The following PRLR variants were observed in gnomAD, a reference collection of about 807,000 sequenced individuals.
The protein encoded by PRLR is prolactin receptor.
PRLR carries 13 observed loss-of-function variants against 40.2 expected under a neutral mutation model. The observed-to-expected ratio is 0.32, with a 90% CI of 0.21 to 0.51. The LOEUF (loss-of-function observed/expected upper bound fraction) is 0.51. Ranked by LOEUF, PRLR falls within the 20% of genes least tolerant of loss-of-function variation. The pLI, the probability that PRLR is intolerant of heterozygous loss-of-function variation, is 0.97. For synonymous variants in PRLR, 269 were observed against 278.7 expected (o/e 0.97, Z 0.35); for missense variants, 656 against 747.3 (o/e 0.88, Z 1.42).
chr5:35,093,937 C>T (rs995435233), intron 2 of PRLR, among the ~76,000 whole-genome samples: 9 of 152,240 alleles, frequency 5.9e-5, no homozygotes, highest in African/African-American at 2.2e-4. Context: ...GCTATGTCAT[C>T]TAGCCTAGGT....
At chr5:35,166,509 G>A (rs995099937) in intron 1 of PRLR, among the ~76,000 whole-genome samples, 3 of 152,072 alleles carry the variant, frequency 2.0e-5, no homozygotes, top group African/African-American at 7.2e-5. Flanking sequence ...AGATTTGGTA[G>A]TCCACAGAGT....
chr5:35,131,719 C>T (rs1773687135), intron 1 of PRLR, among the ~76,000 whole-genome samples: 1 of 152,070 alleles, frequency 6.6e-6, no homozygotes, highest in South Asian at 2.1e-4. Flanking sequence ...GGTGCATCTG[C>T]CACACAGGGT....
At chr5:35,156,080 A>G (rs1774490588) in intron 1 of PRLR, among the ~76,000 whole-genome samples, 1 of 151,782 alleles carries the variant, frequency 6.6e-6, no homozygotes, top group Admixed American at 6.6e-5. Flanking sequence ...GTTACCAAAG[A>G]ACAAAGTAAT....
intron 1 of PRLR, among the ~76,000 whole-genome samples, chr5:35,174,906 G>A (rs1274508868): frequency 6.6e-6 from 1 of 152,194 alleles, no homozygotes; most frequent in East Asian, 1.9e-4. Context: ...TGACAAGAGT[G>A]TAAGCTCAGA....
intron 1 of PRLR, among the ~76,000 whole-genome samples, chr5:35,174,895 T>C (rs774281451): frequency 2.0e-5 from 3 of 152,228 alleles, no homozygotes; most frequent in Non-Finnish European, 4.4e-5. Context: ...TGGCTCACAC[T>C]TGACAAGAGT....
intron 1 of PRLR, among the ~76,000 whole-genome samples, chr5:35,119,778 A>G (rs1036126621): frequency 6.6e-6 from 1 of 152,052 alleles, no homozygotes; most frequent in Non-Finnish European, 1.5e-5. Context: ...CTGTTTTTAC[A>G]CTCTTGGCAG....
At chr5:35,222,100 C>T (rs942648425) in intron 1 of PRLR, among the ~76,000 whole-genome samples, 4 of 152,222 alleles carry the variant, frequency 2.6e-5, no homozygotes, top group Admixed American at 6.5e-5. Flanking sequence ...GTCAAGAGAT[C>T]GAGACCATCC....
chr5:35,177,648 C>T (rs1306099899), intron 1 of PRLR, among the ~76,000 whole-genome samples: 1 of 152,168 alleles, frequency 6.6e-6, no homozygotes, highest in Admixed American at 6.5e-5. Context: ...GTACTTCACT[C>T]TTTTCTATGG....
chr5:35,099,562 A>T (rs1771734912), intron 2 of PRLR, among the ~76,000 whole-genome samples: 1 of 152,214 alleles, frequency 6.6e-6, no homozygotes, highest in Non-Finnish European at 1.5e-5. Context: ...TAACTGTAAA[A>T]TAGCCTCAGG....
At chr5:35,179,363 T>G (rs1447812076) in intron 1 of PRLR, among the ~76,000 whole-genome samples, 6 of 152,216 alleles carry the variant, frequency 3.9e-5, no homozygotes, top group Non-Finnish European at 5.9e-5. Flanking sequence ...TGTCAGTATT[T>G]ACTTTCTTTC....
At chr5:35,153,219 C>A (rs1471187109) in intron 1 of PRLR, among the ~76,000 whole-genome samples, 2 of 152,176 alleles carry the variant, frequency 1.3e-5, no homozygotes, top group Admixed American at 1.3e-4. Flanking sequence ...CAAAGCTAAA[C>A]AGATTAAATA....
chr5:35,129,660 C>T (rs1470893826), intron 1 of PRLR, among the ~76,000 whole-genome samples: 1 of 145,622 alleles, frequency 6.9e-6, no homozygotes, highest in African/African-American at 2.8e-5. Context: ...GTTTTAAGCA[C>T]TGTAATCAAT....
intron 1 of PRLR, among the ~76,000 whole-genome samples, chr5:35,213,619 A>G (rs1168127522): frequency 6.6e-6 from 1 of 152,206 alleles, no homozygotes; most frequent in Non-Finnish European, 1.5e-5. Context: ...TTAGAAGTAA[A>G]TAGACAGAAC....
intron 1 of PRLR, among the ~76,000 whole-genome samples, chr5:35,146,436 T>G (rs1774183681): frequency 6.6e-6 from 1 of 152,188 alleles, no homozygotes; most frequent in African/African-American, 2.4e-5. Context: ...CGTAAAGGCC[T>G]TTACATTTTT....
intron 1 of PRLR, among the ~76,000 whole-genome samples, chr5:35,156,367 C>A (rs1774507153): frequency 6.6e-6 from 1 of 152,044 alleles, no homozygotes; most frequent in Non-Finnish European, 1.5e-5. Flanking sequence ...TCTCTCCTTG[C>A]CCTTCAGTTT....
chr5:35,086,164 G>T (rs758359807), intron 4 of PRLR, 44 bp downstream of exon 4: 2 of 1,608,048 alleles, frequency 1.2e-6, no homozygotes, highest in Admixed American at 3.4e-5. Flanking sequence ...TGGAGAATGG[G>T]AGTACTCATG....
chr5:35,144,918 A>G (rs1417820273), intron 1 of PRLR, among the ~76,000 whole-genome samples: 1 of 152,212 alleles, frequency 6.6e-6, no homozygotes, highest in East Asian at 1.9e-4. Flanking sequence ...TAGAAAAGAC[A>G]GCCAGAGTTC....
rs1489543792 is a variant in PRLR at position 35,056,493 on chromosome 5, C to T, written c.*8596G>A. 1 of 152,060 alleles carries T rather than the reference C, an allele frequency of 6.6e-6. No individual in the cohort carries two copies. The highest frequency in any genetic ancestry group is 1.9e-4 in the East Asian group (1 of 5,202). 9.4% of individuals were successfully genotyped at this position (152,060 alleles called of 1,614,324 possible). A position where few individuals can be genotyped will look rare whatever the true frequency, so the allele number is the denominator to read the frequency against. Reference sequence around the variant, plus strand: ...TAAATGGAAGTTGCATCTTCCAGCCCCAAAGAAACTGGGGAGATTTAGAAT... The same window carrying T: ...TAAATGGAAGTTGCATCTTCCAGCCTCAAAGAAACTGGGGAGATTTAGAAT... On this transcript the variant is annotated 3_prime_UTR_variant, in exon 10 of 10. Coordinates refer to ENST00000618457, the MANE Select transcript of PRLR (RefSeq NM_000949.7).
chr5:35,121,385 C>T (rs959176788), intron 1 of PRLR, among the ~76,000 whole-genome samples: 41 of 152,290 alleles, frequency 2.7e-4, no homozygotes, highest in African/African-American at 9.6e-4. Context: ...GTGTCATATC[C>T]ATCCTTGCAT....
Sources: allele counts gnomAD v4.1 joint callset (sites outside exome capture counted in the v4.1 genomes callset), GRCh38; gene constraint gnomAD v4.1.1; transcripts MANE v1.5; gene names NCBI Gene and HGNC (gene_info 2026-07-23, HGNC 2026-07-21).